Variants in EML1 observed in about 807,000 individuals in gnomAD.
EML1 encodes echinoderm microtubule-associated protein-like 1.
In EML1, 27 loss-of-function variants were observed where a neutral mutation model predicts 110.4. The ratio of observed to expected loss-of-function variants is 0.24; its 90% CI spans 0.18 to 0.34. EML1 has a LOEUF of 0.34. Ranked by LOEUF, EML1 falls within the 10% of genes least tolerant of loss-of-function variation. The pLI, the probability that EML1 is intolerant of heterozygous loss-of-function variation, is 1.00. For synonymous variants in EML1, 344 were observed against 385.8 expected, an observed-to-expected ratio of 0.89 and a Z score of 1.27; for missense variants, 741 against 1,030.9, an observed-to-expected ratio of 0.72 and a Z score of 3.85.
At chr14:99,742,718 T>C (rs1243909456) in intron 1 of EML1, among the ~76,000 whole-genome samples, 1 of 151,900 alleles carries the variant, frequency 6.6e-6, no homozygotes, top group Non-Finnish European at 1.5e-5. Flanking sequence ...GAGGGCTGGG[T>C]AAGATCCGAG....
intron 1 of EML1, among the ~76,000 whole-genome samples, chr14:99,776,130 G>A (rs1317842275): frequency 6.6e-6 from 1 of 152,120 alleles, no homozygotes. Flanking sequence ...ATATATAGAA[G>A]AGATTCTCCT....
chr14:99,767,332 G>A (rs2057377568), intron 1 of EML1, among the ~76,000 whole-genome samples: 1 of 152,222 alleles, frequency 6.6e-6, no homozygotes, highest in South Asian at 2.1e-4. Context: ...GGCCGGGCAC[G>A]GTGGCTCACG....
At chr14:99,808,079 C>T (rs989155065) in intron 1 of EML1, among the ~76,000 whole-genome samples, 1 of 152,146 alleles carries the variant, frequency 6.6e-6, no homozygotes, top group Non-Finnish European at 1.5e-5. Flanking sequence ...TCCCGGATTA[C>T]TTGGTCTTTC....
rs540754350 is a variant in EML1, at chr14:99,942,014, T to C, written c.*1902T>C. 6.6e-6 allele frequency: 1 copy of C among 152,358 alleles called. No homozygotes were observed. The highest frequency in any genetic ancestry group is 1.9e-4 in the East Asian group (1 of 5,194). 9.4% of individuals were successfully genotyped at this position (152,358 alleles called of 1,614,324 possible). On this transcript the variant is annotated 3_prime_UTR_variant, in exon 22 of 22. Coordinates refer to ENST00000262233, the MANE Select transcript of EML1 (RefSeq NM_004434.3). ...ACTACTATTGCTCTCTTTATAATGA[T>C]TAATCACTTTATTATGAATGAATGA... is the stretch of plus-strand genomic sequence containing the variant.
intron 19 of EML1, among the ~76,000 whole-genome samples, chr14:99,937,348 T>C (rs1251518032): frequency 1.3e-5 from 2 of 152,202 alleles, no homozygotes; most frequent in Admixed American, 6.5e-5. Flanking sequence ...CGTACTCTGC[T>C]GGTGAGAGCT....
At chr14:99,810,886 A>G (rs573480321) in intron 1 of EML1, among the ~76,000 whole-genome samples, 2 of 152,354 alleles carry the variant, frequency 1.3e-5, no homozygotes, top group African/African-American at 4.8e-5. Context: ...AATTAGCTTG[A>G]TGTAATCATC....
intron 3 of EML1, among the ~76,000 whole-genome samples, chr14:99,867,008 G>C (rs2059114070): frequency 6.6e-6 from 1 of 152,172 alleles, no homozygotes; most frequent in African/African-American, 2.4e-5. Context: ...TGAGGTTTGG[G>C]CTTCTGTTGA....
At chr14:99,903,468 A>G (rs1301186261) in intron 9 of EML1, among the ~76,000 whole-genome samples, 2 of 152,210 alleles carry the variant, frequency 1.3e-5, no homozygotes, top group African/African-American at 4.8e-5. Flanking sequence ...TGGATGACAG[A>G]AAGTCTTAGG....
At chr14:99,831,093 T>C (rs1017439596) in intron 1 of EML1, among the ~76,000 whole-genome samples, 2 of 152,194 alleles carry the variant, frequency 1.3e-5, no homozygotes, top group African/African-American at 4.8e-5. Context: ...CAAATGTATT[T>C]TCAAGTGTAT....
intron 1 of EML1, among the ~76,000 whole-genome samples, chr14:99,837,948 A>G (rs145659107): frequency 0.012 from 1,773 of 152,148 alleles, 18 homozygotes; most frequent in Middle Eastern, 0.058. Context: ...TACAGGCATG[A>G]ACCATCATGC....
At chr14:99,847,874 A>C (rs1408377322) in intron 1 of EML1, among the ~76,000 whole-genome samples, 2 of 151,724 alleles carry the variant, frequency 1.3e-5, no homozygotes, top group Admixed American at 1.3e-4. Flanking sequence ...ATATACTTTC[A>C]ATCTATCTGT....
At chr14:99,800,183 C>G (rs79637459) in intron 1 of EML1, among the ~76,000 whole-genome samples, 2,020 of 152,240 alleles carry the variant, frequency 0.013, 34 homozygotes, top group African/African-American at 0.046. Context: ...AGACGTTTGG[C>G]ACATAGATTT....
chr14:99,821,986 C>T (rs1003919382), intron 1 of EML1, among the ~76,000 whole-genome samples: 3 of 152,142 alleles, frequency 2.0e-5, no homozygotes, highest in Non-Finnish European at 4.4e-5. Flanking sequence ...CAAATGCTGC[C>T]ACGTGGCTGT....
chr14:99,825,219 C>G (rs559067781), intron 1 of EML1, among the ~76,000 whole-genome samples: 305 of 152,254 alleles, frequency 2.0e-3, no homozygotes, highest in Non-Finnish European at 3.6e-3. Context: ...CTCCTGGGCT[C>G]AAATGATCCT....
intron 1 of EML1, among the ~76,000 whole-genome samples, chr14:99,739,983 T>C (rs1290523927): frequency 2.0e-5 from 3 of 152,166 alleles, no homozygotes; most frequent in Non-Finnish European, 4.4e-5. Flanking sequence ...GTGGGGACAA[T>C]ACTGGGACAT....
intron 2 of EML1, among the ~76,000 whole-genome samples, chr14:99,862,450 G>A (rs143874870): frequency 1.3e-5 from 2 of 152,332 alleles, no homozygotes; most frequent in Non-Finnish European, 2.9e-5. Flanking sequence ...TTACCTTCTT[G>A]AGGGTGGGGT....
At chr14:99,816,440 G>A (rs2139730659) in intron 1 of EML1, among the ~76,000 whole-genome samples, 1 of 152,360 alleles carries the variant, frequency 6.6e-6, no homozygotes, top group East Asian at 1.9e-4. Flanking sequence ...TGGGATTATA[G>A]GCGTGAGCCA....
chr14:99,790,046 T>G (rs2057646181), upstream of EML1, among the ~76,000 whole-genome samples: 1 of 152,212 alleles, frequency 6.6e-6, no homozygotes, highest in African/African-American at 2.4e-5. Flanking sequence ...AATTTAGCTT[T>G]TTTTTAGAGT....
At chr14:99,786,985 A>C (rs1251325884) in intron 1 of EML1, among the ~76,000 whole-genome samples, 1 of 152,204 alleles carries the variant, frequency 6.6e-6, no homozygotes, top group Non-Finnish European at 1.5e-5. Context: ...TGGCAAGGGC[A>C]ATTTAGGATA....
Sources: gnomAD v4.1 joint callset for allele counts (sites outside exome capture counted in the v4.1 genomes callset) on GRCh38, gnomAD v4.1.1 for gene constraint, MANE v1.5 for transcripts, NCBI Gene and HGNC (gene_info 2026-07-23, HGNC 2026-07-21) for gene names.